MAF: variants seen among roughly 807,000 people sequenced by gnomAD.
The protein encoded by MAF is transcription factor Maf.
In MAF, 10 loss-of-function variants were observed where a neutral mutation model predicts 22.0. The ratio of observed to expected loss-of-function variants is 0.45; its 90% CI spans 0.28 to 0.77. The LOEUF (loss-of-function observed/expected upper bound fraction) is 0.77, where lower values mean the gene tolerates loss of function less well. Among genes scored for constraint, MAF ranks in the 30% least tolerant of loss-of-function variants. MAF has a pLI of 0.12. For missense variants in MAF, 544 were observed against 548.4 expected (o/e 0.99, Z 0.08); for synonymous variants, 337 against 255.8 (o/e 1.32, Z -3.03).
the MAF span, among the ~76,000 whole-genome samples, chr16:79,381,059 C>G: frequency 6.6e-6 from 1 of 152,374 alleles, no homozygotes; most frequent in African/African-American, 2.4e-5. Flanking sequence ...GCCACCTCTG[C>G]TCTGGCCTCC....
the MAF span, among the ~76,000 whole-genome samples, chr16:79,250,218 G>A: frequency 1.3e-5 from 2 of 152,186 alleles, no homozygotes; most frequent in African/African-American, 4.8e-5. Flanking sequence ...TGGCTCTTGT[G>A]CATGGCACTT....
At chr16:79,336,137 T>C in the MAF span, among the ~76,000 whole-genome samples, 4 of 152,216 alleles carry the variant, frequency 2.6e-5, no homozygotes, top group Admixed American at 1.3e-4. Flanking sequence ...CAGTGTAAGC[T>C]GAAACATGAG....
At chr16:79,469,575 CATTT>C in the MAF span, among the ~76,000 whole-genome samples, 3 of 151,924 alleles carry the variant, frequency 2.0e-5, no homozygotes, top group East Asian at 1.9e-4. Flanking sequence ...TGCAAGGTCT[CATTT>C]ATTTATTTAT....
At chr16:79,349,496 C>T in the MAF span, among the ~76,000 whole-genome samples, 1 of 152,206 alleles carries the variant, frequency 6.6e-6, no homozygotes, top group African/African-American at 2.4e-5. Flanking sequence ...ATTTCAAAAA[C>T]AACTACCTTA....
At chr16:79,209,686 C>G in the MAF span, among the ~76,000 whole-genome samples, 1 of 152,140 alleles carries the variant, frequency 6.6e-6, no homozygotes, top group Non-Finnish European at 1.5e-5. Flanking sequence ...CTCTAAGATT[C>G]CAGGCCAAAA....
At chr16:79,397,496 G>C in the MAF span, among the ~76,000 whole-genome samples, 9 of 152,078 alleles carry the variant, frequency 5.9e-5, no homozygotes, top group Non-Finnish European at 1.3e-4. Flanking sequence ...AAATCAGTAT[G>C]AATAATAAAA....
the MAF span, among the ~76,000 whole-genome samples, chr16:79,222,101 T>A: frequency 2.0e-5 from 3 of 152,086 alleles, no homozygotes; most frequent in Non-Finnish European, 2.9e-5. Context: ...AGAAATGATG[T>A]TTAAGACTAA....
the MAF span, among the ~76,000 whole-genome samples, chr16:79,404,346 T>G: frequency 6.6e-6 from 1 of 152,100 alleles, no homozygotes; most frequent in South Asian, 2.1e-4. Context: ...GTATTTTTAG[T>G]AGAGACTGGG....
the MAF span, among the ~76,000 whole-genome samples, chr16:79,522,402 A>T: frequency 3.3e-5 from 5 of 152,148 alleles, no homozygotes; most frequent in Admixed American, 2.6e-4. Flanking sequence ...ACCACCCCCA[A>T]CAGAGCTGCT....
At chr16:79,301,928 C>T in the MAF span, among the ~76,000 whole-genome samples, 4 of 152,350 alleles carry the variant, frequency 2.6e-5, no homozygotes, top group East Asian at 3.9e-4. Context: ...GGTCTCACAG[C>T]CTTTTGAGCA....
At chr16:79,544,015 G>C in the MAF span, among the ~76,000 whole-genome samples, 1 of 152,146 alleles carries the variant, frequency 6.6e-6, no homozygotes, top group Non-Finnish European at 1.5e-5. Flanking sequence ...CCAAGGTAGA[G>C]AGACAGACAC....
chr16:79,252,646 C>G, the MAF span, among the ~76,000 whole-genome samples: 1 of 152,072 alleles, frequency 6.6e-6, no homozygotes, highest in African/African-American at 2.4e-5. Context: ...CTCGGTACCA[C>G]GCTTGGCTAA....
At chr16:79,528,220 C>T in the MAF span, among the ~76,000 whole-genome samples, 5 of 152,176 alleles carry the variant, frequency 3.3e-5, no homozygotes, top group Non-Finnish European at 5.9e-5. Flanking sequence ...CTTCTGCCCT[C>T]TTTAGTTTCT....
In MAF at chr16:79,594,800, G is replaced by A. The variant is rs1913416356; in HGVS notation, c.1119-247C>T. The A allele has an allele frequency of 2.3e-6, 3 of 1,291,002 alleles. No individual in the cohort carries two copies. In the South Asian group the frequency reaches 5.4e-5, roughly 23 times the overall value. 80.0% of individuals were successfully genotyped at this position (1,291,002 alleles called of 1,614,324 possible). ...TTTCTAAAAATGCCTTTTACTAGGA[G>A]TTAACCTTCTCTTACAGCCAGCCAC... On this transcript the variant is annotated intron_variant, in intron 1 of 1. Coordinates refer to ENST00000326043, the MANE Select transcript of MAF (RefSeq NM_005360.5).
the MAF span, among the ~76,000 whole-genome samples, chr16:79,242,222 C>G: frequency 6.6e-6 from 1 of 151,826 alleles, no homozygotes; most frequent in African/African-American, 2.4e-5. Flanking sequence ...GCTAAATGCC[C>G]CAATTAAAAG....
chr16:79,211,609 A>G, the MAF span: 3 of 1,614,142 alleles, frequency 1.9e-6, no homozygotes, highest in South Asian at 3.3e-5. Context: ...GATTTCCAGC[A>G]ACAGGGAGCT....
At chr16:79,551,733 A>T in the MAF span, among the ~76,000 whole-genome samples, 10 of 152,206 alleles carry the variant, frequency 6.6e-5, no homozygotes, top group Non-Finnish European at 1.2e-4. Context: ...AAATTAGATA[A>T]AGTTCAAATT....
the MAF span, among the ~76,000 whole-genome samples, chr16:79,314,314 G>T: frequency 1.3e-5 from 2 of 152,286 alleles, no homozygotes; most frequent in East Asian, 3.9e-4. Flanking sequence ...AAGTCCCTCA[G>T]TTCAGGCCAC....
At chr16:79,497,021 C>G in the MAF span, among the ~76,000 whole-genome samples, 2 of 152,188 alleles carry the variant, frequency 1.3e-5, no homozygotes, top group African/African-American at 4.8e-5. Context: ...CAAATAAAAG[C>G]TTCTGAATAA....
Sources: allele counts gnomAD v4.1 joint callset (sites outside exome capture counted in the v4.1 genomes callset), GRCh38; gene constraint gnomAD v4.1.1; transcripts MANE v1.5; gene names NCBI Gene and HGNC (gene_info 2026-07-23, HGNC 2026-07-21).